The following SYT14 variants were observed in gnomAD, a reference collection of about 807,000 sequenced individuals.
The protein encoded by SYT14 is synaptotagmin 14.
In SYT14, 32 loss-of-function variants were observed where a neutral mutation model predicts 74.2. That is an observed-to-expected ratio of 0.43 (90% CI 0.33 to 0.58). The LOEUF (loss-of-function observed/expected upper bound fraction) is 0.58. Among genes scored for constraint, SYT14 ranks in the 20% least tolerant of loss-of-function variants. SYT14 has a pLI of 0.05. For missense variants in SYT14, 791 were observed against 981.8 expected, an observed-to-expected ratio of 0.81 and a Z score of 2.60; for synonymous variants, 298 against 337.7, an observed-to-expected ratio of 0.88 and a Z score of 1.29.
At chr1:210,075,389 C>T (rs1272396688) in intron 5 of SYT14, among the ~76,000 whole-genome samples, 2 of 141,720 alleles carry the variant, frequency 1.4e-5, no homozygotes, top group Non-Finnish European at 3.0e-5. Context: ...TTGAGAAGTG[C>T]AATGGCACAA....
At chr1:209,960,709 T>C (rs1191201092) in intron 2 of SYT14, among the ~76,000 whole-genome samples, 1 of 152,056 alleles carries the variant, frequency 6.6e-6, no homozygotes, top group Non-Finnish European at 1.5e-5. Flanking sequence ...TTAAAGTGAG[T>C]AGTTGTAACT....
Position 210,158,070 on chromosome 1 carries a change from G to A in SYT14, c.2225-1351G>A, listed in dbSNP as rs1484883175. The stretch of plus-strand genomic sequence containing the variant: ...AGGTCATGTCTCTCACAGGGCAAGT[G>A]TGAGACTCAAATCAGATAAAGGTGC... On this transcript the variant is annotated intron_variant, in intron 8 of 9. Transcript: ENST00000637265. Among the ~76,000 whole-genome samples the A allele has an allele frequency of 4.6e-5, 7 of 152,298 alleles. No individual in the cohort carries two copies. The East Asian group carries it at 1.2e-3, about 25-fold the overall frequency.
chr1:209,998,121 GT>G (rs1042038945), intron 2 of SYT14, among the ~76,000 whole-genome samples: 1 of 151,800 alleles, frequency 6.6e-6, no homozygotes, highest in African/African-American at 2.4e-5. Context: ...TATTTCTAGG[GT>G]TTTTTTGTTT....
At chr1:210,109,949 GAGTT>G (rs2082230994) in intron 7 of SYT14, among the ~76,000 whole-genome samples, 1 of 152,196 alleles carries the variant, frequency 6.6e-6, no homozygotes, top group Non-Finnish European at 1.5e-5. Flanking sequence ...AGAAAAGGAT[GAGTT>G]CATGTCCTTT....
chr1:210,128,053 A>G (rs1375456159), intron 7 of SYT14, among the ~76,000 whole-genome samples: 1 of 151,924 alleles, frequency 6.6e-6, no homozygotes, highest in Non-Finnish European at 1.5e-5. Context: ...GGATGATTAG[A>G]TCTATGACTA....
chr1:210,158,648 G>A (rs10494926), intron 8 of SYT14, among the ~76,000 whole-genome samples: 2,660 of 152,154 alleles, frequency 0.017, 88 homozygotes, highest in African/African-American at 0.058. Flanking sequence ...ACACAGAGTC[G>A]ATGTTTCAGG....
At chr1:210,050,503 C>T (rs2080972833) in intron 5 of SYT14, among the ~76,000 whole-genome samples, 1 of 152,154 alleles carries the variant, frequency 6.6e-6, no homozygotes. Context: ...AAGTTGCTTC[C>T]ACATTTTTGG....
chr1:210,087,489 CTG>C (rs1439622004), intron 5 of SYT14, among the ~76,000 whole-genome samples: 3 of 152,174 alleles, frequency 2.0e-5, no homozygotes, highest in Non-Finnish European at 2.9e-5. Flanking sequence ...TGTTTGGGCT[CTG>C]TTGCCCCAGG....
intron 2 of SYT14, among the ~76,000 whole-genome samples, chr1:209,997,273 T>C (rs1273637006): frequency 5.9e-5 from 9 of 152,044 alleles, no homozygotes; most frequent in Admixed American, 5.9e-4. Context: ...TTTAGCAAGG[T>C]TTCAGGATAT....
chr1:210,147,948 T>C (rs2083074879), intron 7 of SYT14, among the ~76,000 whole-genome samples: 1 of 152,066 alleles, frequency 6.6e-6, no homozygotes, highest in Non-Finnish European at 1.5e-5. Flanking sequence ...GCGTGTGTTG[T>C]GTTCAGGGAG....
intron 2 of SYT14, among the ~76,000 whole-genome samples, chr1:209,967,921 A>G (rs1325031826): frequency 6.6e-6 from 1 of 152,112 alleles, no homozygotes; most frequent in Non-Finnish European, 1.5e-5. Context: ...ATATCATGTA[A>G]TGCCCACTCT....
chr1:210,015,230 T>C (rs1199471380), intron 3 of SYT14, among the ~76,000 whole-genome samples: 2 of 152,146 alleles, frequency 1.3e-5, no homozygotes, highest in Admixed American at 1.3e-4. Context: ...ATTCAATCTG[T>C]CATGTAGCCT....
intron 1 of SYT14, among the ~76,000 whole-genome samples, chr1:209,944,161 T>G (rs1157721000): frequency 6.6e-6 from 1 of 152,218 alleles, no homozygotes; most frequent in African/African-American, 2.4e-5. Context: ...TGCATATTAG[T>G]AGCTTTAAAA....
chr1:209,980,452 T>G (rs995993313), intron 2 of SYT14, among the ~76,000 whole-genome samples: 1 of 152,212 alleles, frequency 6.6e-6, no homozygotes, highest in African/African-American at 2.4e-5. Flanking sequence ...TTTAGTTTAA[T>G]TAGATCCTAT....
At chr1:210,068,970 A>T (rs1272443069) in intron 5 of SYT14, among the ~76,000 whole-genome samples, 2 of 151,926 alleles carry the variant, frequency 1.3e-5, no homozygotes, top group Middle Eastern at 3.4e-3. Flanking sequence ...ACATTTTAAT[A>T]TGCAATATCT....
At chr1:209,981,560 C>T (rs2079487980) in intron 2 of SYT14, among the ~76,000 whole-genome samples, 2 of 148,502 alleles carry the variant, frequency 1.3e-5, no homozygotes, top group South Asian at 2.1e-4. Flanking sequence ...AGGCAGTCCT[C>T]CCACCTTAGC....
exon 10 of SYT14, chr1:210,167,844 TC>T (rs1428217263): frequency 1.3e-5 from 2 of 152,170 alleles, no homozygotes; most frequent in African/African-American, 4.8e-5. Flanking sequence ...CCTTTCTTCT[TC>T]CCTGCCTTTT....
At chr1:210,100,700 G>A (rs1409432745) in intron 7 of SYT14, among the ~76,000 whole-genome samples, 2 of 151,932 alleles carry the variant, frequency 1.3e-5, no homozygotes, top group African/African-American at 4.8e-5. Flanking sequence ...ACAGAGTTTT[G>A]GCCCAGGGTT....
At chr1:209,956,530 G>A (rs2078995675) in intron 2 of SYT14, among the ~76,000 whole-genome samples, 1 of 152,122 alleles carries the variant, frequency 6.6e-6, no homozygotes, top group Admixed American at 6.5e-5. Context: ...GATAGGCCTG[G>A]AAGGAAAGTA....
Sources: allele counts gnomAD v4.1 joint callset (sites outside exome capture counted in the v4.1 genomes callset), GRCh38; gene constraint gnomAD v4.1.1; transcripts MANE v1.5; gene names NCBI Gene and HGNC (gene_info 2026-07-23, HGNC 2026-07-21).